CACUL1: variants seen among roughly 807,000 people sequenced by gnomAD.
The protein encoded by CACUL1 is CDK2-associated and cullin domain-containing protein 1.
CACUL1 carries 13 observed loss-of-function variants against 45.2 expected under a neutral mutation model. The observed-to-expected ratio is 0.29, with a 90% CI of 0.19 to 0.46. The LOEUF (loss-of-function observed/expected upper bound fraction) is 0.46. Ranked by LOEUF, CACUL1 falls within the 20% of genes least tolerant of loss-of-function variation. The pLI is 1.00. For missense variants in CACUL1, 421 were observed against 471.4 expected (o/e 0.89, Z 0.99); for synonymous variants, 197 against 174.2 (o/e 1.13, Z -1.03).
chr10:118,701,316 G>A lies in CACUL1; in HGVS notation c.786C>T (p.Tyr262=). 2 of 1,552,078 alleles carry A rather than the reference G, an allele frequency of 1.3e-6. No individual in the cohort carries two copies. Residue 262 remains tyrosine (Y), a synonymous_variant, in exon 5 of 9, where the codon TAC becomes TAT. Coordinates refer to ENST00000369151, the MANE Select transcript of CACUL1 (RefSeq NM_153810.5). ...FTEHVAEKHI[Y]SLMPLLLEAQ... ...AGCTGAATTACTTACGCATTAGGCT[G>A]TAAATGTGCTTTTCTGCAACATGTT...
intron 3 of CACUL1, among the ~76,000 whole-genome samples, chr10:118,710,354 A>C (rs1269199123): frequency 6.6e-6 from 1 of 152,008 alleles, no homozygotes; most frequent in Non-Finnish European, 1.5e-5. Flanking sequence ...AAGACCTACA[A>C]CTCAAAGCAT....
chr10:118,730,219 A>G, intron 2 of CACUL1, 65 bp downstream of exon 2: 2 of 1,533,820 alleles, frequency 1.3e-6, no homozygotes. Context: ...TGTGTGAGGC[A>G]TAATTCAAGT....
Position 118,723,516 on chromosome 10 carries a change from T to C in CACUL1, c.597+5779A>G, listed in dbSNP as rs147973660. Among the ~76,000 whole-genome samples the C allele has an allele frequency of 3.1e-3, 477 of 152,318 alleles. 2 individuals carry two copies. Among genetic ancestry groups the C allele is most frequent in the African/African-American group, 0.011 (456 of 41,568 alleles). ...CAAGTTTTCATCTGGAAACATTTTC[T>C]TTCTATCTGAAAAACACTTTTATTT... is the stretch of plus-strand genomic sequence containing the variant. On this transcript the variant is annotated intron_variant, in intron 3 of 8. Coordinates refer to ENST00000369151, the MANE Select transcript of CACUL1 (RefSeq NM_153810.5).
chr10:118,729,522 C>G, intron 2 of CACUL1, 125 bp from the exon 3 acceptor site: 1 of 667,638 alleles, frequency 1.5e-6, no homozygotes, highest in South Asian at 1.7e-5. Flanking sequence ...AAAAAGTAAC[C>G]AATCACAACT....
At chr10:118,710,484 G>A (rs1012278406) in intron 3 of CACUL1, among the ~76,000 whole-genome samples, 11 of 152,132 alleles carry the variant, frequency 7.2e-5, no homozygotes, top group Non-Finnish European at 1.5e-4. Flanking sequence ...CAAAGAACAG[G>A]ACTGACAATG....
At chr10:118,740,269 C>T (rs1448775782) in intron 1 of CACUL1, among the ~76,000 whole-genome samples, 1 of 152,194 alleles carries the variant, frequency 6.6e-6, no homozygotes, top group Non-Finnish European at 1.5e-5. Flanking sequence ...TAGGCCCTTC[C>T]GTGAATATTT....
At chr10:118,716,795 G>A (rs1005121855) in intron 3 of CACUL1, among the ~76,000 whole-genome samples, 42 of 152,182 alleles carry the variant, frequency 2.8e-4, no homozygotes, top group Admixed American at 1.0e-3. Flanking sequence ...CTAGAGACAC[G>A]GTTTCACCGT....
chr10:118,695,063 A>T lies in CACUL1; in HGVS notation c.886+78T>A, dbSNP rs139043037. ...TCCAAGTACCATTAAGCCTCACAAAACACATACAGAACCACTGCCCTCTTG... is the reference window on the plus strand; with the variant it reads ...TCCAAGTACCATTAAGCCTCACAAATCACATACAGAACCACTGCCCTCTTG... On this transcript the variant is annotated intron_variant, in intron 6 of 8. Transcript: ENST00000369151. The T allele has an allele frequency of 6.2e-4, 543 of 879,264 alleles. 6 individuals are homozygous for T. In the African/African-American group the frequency reaches 8.3e-3, roughly 13 times the overall value. The allele number at this position is 879,264 out of a possible 1,614,324, so 54.5% of individuals were successfully genotyped here. A position where few individuals can be genotyped will look rare whatever the true frequency, so the allele number is the denominator to read the frequency against.
chr10:118,754,562 C>T lies in CACUL1; in HGVS notation c.201G>A (p.Arg67=). Residue 67 remains arginine, a synonymous_variant, in exon 1 of 9, where the codon AGG becomes AGA. Coordinates refer to ENST00000369151, the MANE Select transcript of CACUL1 (RefSeq NM_153810.5). ...TCGGGAGCCCCTCCTTGGGGCCTTT[C>T]CTGTCCACGGAGACCGCGGGCACCG... ...LLAVPAVSVD[R]KGPKEGLPMG... The T allele has an allele frequency of 2.5e-6, 4 of 1,611,796 alleles. No homozygotes were observed. The highest frequency in any genetic ancestry group is 3.4e-6 in the Non-Finnish European group (4 of 1,179,196).
chr10:118,727,639 G>A (rs548537322), intron 3 of CACUL1, among the ~76,000 whole-genome samples: 21 of 152,266 alleles, frequency 1.4e-4, no homozygotes, highest in Admixed American at 1.2e-3. Context: ...TTACTTACAA[G>A]ACTGACTATT....
chr10:118,705,217 A>G (rs1337453311), intron 4 of CACUL1, among the ~76,000 whole-genome samples: 1 of 152,250 alleles, frequency 6.6e-6, no homozygotes, highest in African/African-American at 2.4e-5. Flanking sequence ...AAAAACTTCA[A>G]GCTATTTTCA....
chr10:118,712,467 C>T (rs1845495860), intron 3 of CACUL1, among the ~76,000 whole-genome samples: 1 of 152,254 alleles, frequency 6.6e-6, no homozygotes, highest in Non-Finnish European at 1.5e-5. Context: ...CATGTCTCAG[C>T]CCTGTTTGTG....
intron 1 of CACUL1, among the ~76,000 whole-genome samples, chr10:118,749,859 G>A (rs201271540): frequency 1.4e-5 from 2 of 143,602 alleles, no homozygotes; most frequent in African/African-American, 5.1e-5. Context: ...TAGTAACACT[G>A]TAACTCCCCC....
Position 118,729,395 on chromosome 10 carries a change from C to G in CACUL1, c.497G>C (p.Cys166Ser), listed in dbSNP as rs1170782907. 1 of 1,607,160 alleles carries G rather than the reference C, an allele frequency of 6.2e-7. No individual in the cohort carries two copies. The change falls in exon 3 of 9, where the codon TGT becomes TCT. Residue 166 changes from cysteine to serine, a missense_variant and splice_region_variant. Around this residue, in one of 2 missense-constraint regions of CACUL1, gnomAD observed 208 missense variants for 298.4 expected, o/e 0.70. Transcript: ENST00000369151. Reference protein sequence around the residue: ...IPISYEQIYSCVYKCVCQQHS... With the variant: ...IPISYEQIYSSVYKCVCQQHS... ...CTGCTGGCATACACATTTATACACA[C>G]AACTGTAAAACAAACAAAAACCCCC...
chr10:118,708,373 T>TA (rs1006497195), intron 3 of CACUL1, among the ~76,000 whole-genome samples: 1 of 144,452 alleles, frequency 6.9e-6, no homozygotes, highest in Admixed American at 7.3e-5. Context: ...AACTTGGTTG[T>TA]AAACCCTTCT....
intron 1 of CACUL1, among the ~76,000 whole-genome samples, chr10:118,745,560 CA>C (rs567433613): frequency 2.1e-4 from 29 of 137,076 alleles, no homozygotes; most frequent in Non-Finnish European, 2.2e-4. Flanking sequence ...GACTCCGTCT[CA>C]AAAAAAAAAA....
intron 3 of CACUL1, among the ~76,000 whole-genome samples, chr10:118,722,742 T>C (rs895408831): frequency 2.0e-5 from 3 of 152,178 alleles, no homozygotes; most frequent in Non-Finnish European, 4.4e-5. Context: ...AGAAATCTAC[T>C]CCAAAGGTGG....
intron 3 of CACUL1, among the ~76,000 whole-genome samples, chr10:118,716,605 C>CTTTTT (rs61613528): frequency 2.9e-5 from 4 of 139,858 alleles, no homozygotes; most frequent in Non-Finnish European, 4.6e-5. Context: ...AACACAACCT[C>CTTTTT]TTTTTTTTTT....
chr10:118,739,898 G>A (rs145031797), intron 1 of CACUL1, among the ~76,000 whole-genome samples: 22 of 152,242 alleles, frequency 1.4e-4, no homozygotes, highest in South Asian at 1.0e-3. Flanking sequence ...TAATCCCAGC[G>A]CTTTGGGAAG....
Sources: gnomAD v4.1 joint callset for allele counts (sites outside exome capture counted in the v4.1 genomes callset) on GRCh38, gnomAD v4.1.1 for gene constraint, gnomAD v4.1.1 regional missense constraint, MANE v1.5 for transcripts, NCBI Gene and HGNC (gene_info 2026-07-23, HGNC 2026-07-21) for gene names.